The following RUNX1 variants were observed in gnomAD, a reference collection of about 807,000 sequenced individuals.
RUNX1 encodes the protein runt-related transcription factor 1.
RUNX1 carries 19 observed loss-of-function variants against 42.8 expected under a neutral mutation model. That is an observed-to-expected ratio of 0.44 (90% confidence interval 0.31 to 0.65). RUNX1 has a LOEUF of 0.65. RUNX1 is among the 30% of genes least tolerant of loss of function. RUNX1 has a pLI of 0.07. For synonymous variants in RUNX1, 271 were observed against 289.4 expected, an observed-to-expected ratio of 0.94 and a Z score of 0.64; for missense variants, 528 against 672.0, an observed-to-expected ratio of 0.79 and a Z score of 2.37.
chr21:34,863,611 A>G (rs908906426), intron 5 of RUNX1, among the ~76,000 whole-genome samples: 3 of 141,952 alleles, frequency 2.1e-5, no homozygotes, highest in South Asian at 2.2e-4. Context: ...CTGGAGTGCA[A>G]TGGCGTGATC....
chr21:34,956,485 T>C (rs1435487233), intron 2 of RUNX1, among the ~76,000 whole-genome samples: 1 of 152,200 alleles, frequency 6.6e-6, no homozygotes, highest in Non-Finnish European at 1.5e-5. Flanking sequence ...GCCACTTTTA[T>C]GTCTGCAGCT....
At chr21:34,893,698 A>C (rs1390545456) in intron 2 of RUNX1, among the ~76,000 whole-genome samples, 2 of 152,082 alleles carry the variant, frequency 1.3e-5, no homozygotes, top group East Asian at 3.9e-4. Flanking sequence ...TGTTCTTTAA[A>C]GACAGGATTT....
chr21:34,894,161 T>C (rs971656872), intron 2 of RUNX1, among the ~76,000 whole-genome samples: 12 of 152,124 alleles, frequency 7.9e-5, no homozygotes, highest in Admixed American at 7.9e-4. Flanking sequence ...GTTGGGGCAG[T>C]GGGGTGGGGG....
At chr21:34,869,440 G>A (rs1339563646) in intron 5 of RUNX1, among the ~76,000 whole-genome samples, 3 of 152,204 alleles carry the variant, frequency 2.0e-5, no homozygotes, top group East Asian at 3.9e-4. Flanking sequence ...CAGAATCATC[G>A]CTAATAGATG....
intron 2 of RUNX1, among the ~76,000 whole-genome samples, chr21:34,999,233 G>A (rs1302456939): frequency 6.6e-6 from 1 of 152,200 alleles, no homozygotes; most frequent in Non-Finnish European, 1.5e-5. Context: ...AAATGACTCT[G>A]GTGGTGATGG....
intron 4 of RUNX1, among the ~76,000 whole-genome samples, chr21:34,886,431 T>C (rs1371766840): frequency 6.6e-6 from 1 of 152,220 alleles, no homozygotes; most frequent in Non-Finnish European, 1.5e-5. Flanking sequence ...TATTTCCTGA[T>C]CCTTTCATCT....
intron 6 of RUNX1, among the ~76,000 whole-genome samples, chr21:34,857,971 G>A (rs988883422): frequency 9.9e-5 from 15 of 152,180 alleles, no homozygotes; most frequent in African/African-American, 3.6e-4. Context: ...AGAAAGTCTC[G>A]ATCAGAAAAA....
chr21:34,811,749 T>A (rs2056761798), intron 7 of RUNX1, among the ~76,000 whole-genome samples: 1 of 152,040 alleles, frequency 6.6e-6, no homozygotes, highest in Non-Finnish European at 1.5e-5. Flanking sequence ...GCCCCACAAC[T>A]GGAGACATGC....
intron 8 of RUNX1, among the ~76,000 whole-genome samples, chr21:34,793,382 C>CTA (rs1309222836): frequency 6.6e-6 from 1 of 151,942 alleles, no homozygotes; most frequent in East Asian, 1.9e-4. Context: ...ATAGTATATA[C>CTA]TATAATATGT....
chr21:34,932,828 C>T (rs1290448166), intron 2 of RUNX1, among the ~76,000 whole-genome samples: 1 of 152,164 alleles, frequency 6.6e-6, no homozygotes, highest in Non-Finnish European at 1.5e-5. Flanking sequence ...CTAGTGGAAC[C>T]TCATTACCCC....
intron 5 of RUNX1, among the ~76,000 whole-genome samples, chr21:34,861,502 A>C (rs1339419292): frequency 6.6e-6 from 1 of 152,146 alleles, no homozygotes; most frequent in Non-Finnish European, 1.5e-5. Context: ...CTCTGTCAAG[A>C]ACCCATGAAG....
chr21:34,811,673 C>T (rs568078017), intron 7 of RUNX1, among the ~76,000 whole-genome samples: 3 of 152,284 alleles, frequency 2.0e-5, no homozygotes, highest in South Asian at 4.1e-4. Context: ...TTTATTCCCC[C>T]CTCTGATATG....
intron 2 of RUNX1, among the ~76,000 whole-genome samples, chr21:35,030,750 G>C (rs1416325683): frequency 6.6e-6 from 1 of 152,056 alleles, no homozygotes; most frequent in Admixed American, 6.5e-5. Flanking sequence ...AAAAGCTTTT[G>C]CACAGAAAAG....
At chr21:35,047,550 CA>C (rs2147035770) in intron 2 of RUNX1, among the ~76,000 whole-genome samples, 1 of 109,256 alleles carries the variant, frequency 9.2e-6, no homozygotes, top group Admixed American at 9.0e-5. Flanking sequence ...CACACACACA[CA>C]CACACACACA....
intron 5 of RUNX1, among the ~76,000 whole-genome samples, chr21:34,864,326 C>G (rs895846046): frequency 3.3e-5 from 5 of 152,230 alleles, no homozygotes; most frequent in Admixed American, 1.3e-4. Flanking sequence ...TTTCTCCCAG[C>G]GAGCTGCAGC....
chr21:34,957,750 T>C (rs1209729361), intron 2 of RUNX1, among the ~76,000 whole-genome samples: 4 of 152,194 alleles, frequency 2.6e-5, no homozygotes, highest in African/African-American at 9.6e-5. Flanking sequence ...GGCCATTTGA[T>C]TGTGTTTATA....
At chr21:34,996,362 G>A (rs11702779) in intron 2 of RUNX1, among the ~76,000 whole-genome samples, 57,440 of 151,788 alleles carry the variant, frequency 0.38, 11,022 homozygotes, top group Admixed American at 0.46. Context: ...GACATTATAA[G>A]GGTGGGACTG....
chr21:34,969,826 G>C (rs1282444459), intron 2 of RUNX1, among the ~76,000 whole-genome samples: 1 of 151,776 alleles, frequency 6.6e-6, no homozygotes, highest in Non-Finnish European at 1.5e-5. Flanking sequence ...AGTCAAAAGT[G>C]GAATGAGAAC....
intron 4 of RUNX1, among the ~76,000 whole-genome samples, chr21:34,886,220 G>A (rs1450533158): frequency 2.0e-5 from 3 of 152,202 alleles, no homozygotes; most frequent in Non-Finnish European, 4.4e-5. Context: ...AACAGGATTC[G>A]ATACTTGCGG....
Sources: allele counts gnomAD v4.1 joint callset (sites outside exome capture counted in the v4.1 genomes callset), GRCh38; gene constraint gnomAD v4.1.1; transcripts MANE v1.5; gene names NCBI Gene and HGNC (gene_info 2026-07-23, HGNC 2026-07-21).